The following DPYSL3 variants were observed in gnomAD, a reference collection of about 807,000 sequenced individuals.
The protein encoded by DPYSL3 is dihydropyrimidinase like 3, also known as dihydropyrimidinase-related protein 3.
Under a neutral mutation model 66.1 loss-of-function variants are expected in DPYSL3, and 16 were observed. The observed-to-expected ratio is 0.24, with a 90% CI of 0.16 to 0.37. DPYSL3 has a LOEUF of 0.37. Among genes scored for constraint, DPYSL3 ranks in the 10% least tolerant of loss-of-function variants. DPYSL3 has a pLI of 1.00. For synonymous variants in DPYSL3, 338 were observed against 345.1 expected, an observed-to-expected ratio of 0.98 and a Z score of 0.23; for missense variants, 738 against 916.2, an observed-to-expected ratio of 0.81 and a Z score of 2.51.
intron 1 of DPYSL3, among the ~76,000 whole-genome samples, chr5:147,498,552 C>T (rs2126456363): frequency 6.6e-6 from 1 of 152,310 alleles, no homozygotes; most frequent in Non-Finnish European, 1.5e-5. Context: ...TACACTCCCA[C>T]CAACAGTGTA....
intron 1 of DPYSL3, among the ~76,000 whole-genome samples, chr5:147,483,404 C>T (rs901478836): frequency 6.6e-6 from 1 of 152,174 alleles, no homozygotes; most frequent in African/African-American, 2.4e-5. Flanking sequence ...ATCAGAAAAG[C>T]TTGATGTGAC....
chr5:147,393,837 A>G lies in DPYSL3; in HGVS notation c.*198T>C. ...GAGGGGAGTCAAACAAATCAAGGCT[A>G]TGCATAAACAGAAAACAAAGCAATA... On this transcript the variant is annotated 3_prime_UTR_variant, in exon 14 of 14. Coordinates refer to ENST00000343218, the MANE Select transcript of DPYSL3 (RefSeq NM_001197294.2). The G allele has an allele frequency of 1.7e-6, 1 of 603,006 alleles. No individual in the cohort carries two copies. The highest frequency in any genetic ancestry group is 2.9e-6 in the Non-Finnish European group (1 of 342,246). The allele number at this position is 603,006 out of a possible 1,614,324, so 37.4% of individuals were successfully genotyped here.
chr5:147,483,949 T>C (rs1445146478), intron 1 of DPYSL3, among the ~76,000 whole-genome samples: 5 of 151,682 alleles, frequency 3.3e-5, no homozygotes, highest in African/African-American at 1.2e-4. Context: ...CACTGAGGAG[T>C]GAACATTACA....
chr5:147,427,393 T>G (rs368740435), intron 1 of DPYSL3, among the ~76,000 whole-genome samples: 1 of 152,196 alleles, frequency 6.6e-6, no homozygotes, highest in Non-Finnish European at 1.5e-5. Context: ...TCCATATTGG[T>G]TGAATGAATA....
intron 1 of DPYSL3, chr5:147,453,860 T>A: frequency 1.3e-6 from 1 of 743,236 alleles, no homozygotes; most frequent in Non-Finnish European, 1.9e-6. Flanking sequence ...TTTTTTTTTC[T>A]TTTGCTGCGC....
chr5:147,472,757 A>G (rs1265586055), intron 1 of DPYSL3: 10 of 152,020 alleles, frequency 6.6e-5, no homozygotes, highest in Non-Finnish European at 7.4e-5. Context: ...TTTCCTGTCC[A>G]TATTTCTAAT....
intron 12 of DPYSL3, 26 bp from the exon 13 acceptor site, chr5:147,395,747 C>T (rs1561769401): frequency 1.2e-6 from 2 of 1,609,678 alleles, no homozygotes; most frequent in Admixed American, 3.4e-5. Context: ...AGCATGTCAC[C>T]ATTCATTCAT....
intron 1 of DPYSL3, among the ~76,000 whole-genome samples, chr5:147,457,055 C>T (rs1361746397): frequency 6.6e-6 from 1 of 151,854 alleles, no homozygotes; most frequent in East Asian, 1.9e-4. Context: ...TTCATTCATT[C>T]TCAAAATATT....
At chr5:147,403,278 A>C (rs1256328163) in intron 8 of DPYSL3, among the ~76,000 whole-genome samples, 1 of 152,220 alleles carries the variant, frequency 6.6e-6, no homozygotes, top group East Asian at 1.9e-4. Context: ...CTTACACACT[A>C]AAGGATACAG....
At chr5:147,466,902 C>T (rs937075755) in intron 1 of DPYSL3, among the ~76,000 whole-genome samples, 4 of 152,178 alleles carry the variant, frequency 2.6e-5, no homozygotes, top group Non-Finnish European at 4.4e-5. Flanking sequence ...AGTCTAGACA[C>T]AGATTGCACC....
At chr5:147,419,376 TA>T (rs951541943) in intron 2 of DPYSL3, among the ~76,000 whole-genome samples, 5 of 152,048 alleles carry the variant, frequency 3.3e-5, no homozygotes, top group African/African-American at 7.2e-5. Context: ...TAGGGAGGAA[TA>T]GGGGGGAGAC....
intron 1 of DPYSL3, among the ~76,000 whole-genome samples, chr5:147,477,368 A>T (rs568193485): frequency 2.0e-4 from 31 of 152,156 alleles, no homozygotes; most frequent in Non-Finnish European, 2.4e-4. Context: ...CAAAGAGATT[A>T]AGAGACCAGG....
At chr5:147,424,502 G>A (rs1427716019) in intron 2 of DPYSL3, among the ~76,000 whole-genome samples, 1 of 152,058 alleles carries the variant, frequency 6.6e-6, no homozygotes, top group African/African-American at 2.4e-5. Flanking sequence ...CTTAAGTCAA[G>A]GTTCAGATTA....
intron 4 of DPYSL3, among the ~76,000 whole-genome samples, chr5:147,415,166 T>C (rs762093896): frequency 8.5e-5 from 13 of 152,138 alleles, no homozygotes; most frequent in Non-Finnish European, 5.9e-5. Flanking sequence ...TACATATACA[T>C]GAACATGTTT....
At chr5:147,404,794 C>T (rs1758287393) in intron 8 of DPYSL3, among the ~76,000 whole-genome samples, 2 of 152,174 alleles carry the variant, frequency 1.3e-5, no homozygotes, top group Non-Finnish European at 2.9e-5. Context: ...GTCATGAAGG[C>T]CATGGTGGCC....
chr5:147,476,226 A>G (rs1469181134), intron 1 of DPYSL3, among the ~76,000 whole-genome samples: 2 of 152,200 alleles, frequency 1.3e-5, no homozygotes, highest in Non-Finnish European at 2.9e-5. Flanking sequence ...ATTAAGTCCC[A>G]ATACTAATTA....
intron 1 of DPYSL3, among the ~76,000 whole-genome samples, chr5:147,433,649 G>C (rs1045090021): frequency 3.3e-5 from 5 of 152,090 alleles, no homozygotes; most frequent in Admixed American, 3.3e-4. Flanking sequence ...TTCTAAAAAG[G>C]TACATTTATA....
intron 10 of DPYSL3, 23 bp from the exon 11 acceptor site, chr5:147,399,275 A>G: frequency 6.2e-7 from 1 of 1,610,078 alleles, no homozygotes; most frequent in Non-Finnish European, 8.5e-7. Flanking sequence ...AAGAAATTAT[A>G]TCTATATCTA....
chr5:147,474,347 T>C (rs1753125365), intron 1 of DPYSL3, among the ~76,000 whole-genome samples: 1 of 152,116 alleles, frequency 6.6e-6, no homozygotes, highest in African/African-American at 2.4e-5. Flanking sequence ...AAAATGTCTT[T>C]TCATGAATTT....
Sources: gnomAD v4.1 joint callset for allele counts (sites outside exome capture counted in the v4.1 genomes callset) on GRCh38, gnomAD v4.1.1 for gene constraint, MANE v1.5 for transcripts, NCBI Gene and HGNC (gene_info 2026-07-23, HGNC 2026-07-21) for gene names.